The following TLE6 variants were observed in gnomAD, a reference collection of about 807,000 sequenced individuals.
The protein encoded by TLE6 is transducin-like enhancer protein 6.
Under a neutral mutation model 77.1 loss-of-function variants are expected in TLE6, and 72 were observed. The observed-to-expected ratio is 0.93, with a 90% CI of 0.77 to 1.14. The LOEUF (loss-of-function observed/expected upper bound fraction) is 1.14. Among genes scored for constraint, TLE6 ranks in the 50% most tolerant of loss-of-function variants. The probability of loss-of-function intolerance (pLI) is 0.00; values close to 1 mark genes in which losing one functional copy is unlikely to be tolerated. For synonymous variants in TLE6, 366 were observed against 287.3 expected (o/e 1.27, Z -2.77); for missense variants, 843 against 747.6 (o/e 1.13, Z -1.49).
intron 11 of TLE6, 159 bp from the exon 12 acceptor site, chr19:2,988,902 T>C: frequency 3.9e-6 from 4 of 1,029,878 alleles, no homozygotes; most frequent in Non-Finnish European, 5.6e-6. Flanking sequence ...CTTGAAGGAA[T>C]ATGAGCAGGA....
At chr19:2,984,222 A>T (rs994414452) in intron 5 of TLE6, 1 of 152,220 alleles carries the variant, frequency 6.6e-6, no homozygotes, top group Non-Finnish European at 1.5e-5. Flanking sequence ...AAGTGCCGGT[A>T]AATTGCGCAT....
rs559389681 is a variant in TLE6 at position 2,978,318 on chromosome 19, G to A, written c.51+34G>A. Reference sequence around the variant, plus strand: ...GGCATGTGGTGGGATCAGCCCTCAAGGGAAACCCGGGCCCAATGTGGTTCT... The same window carrying A: ...GGCATGTGGTGGGATCAGCCCTCAAAGGAAACCCGGGCCCAATGTGGTTCT... On this transcript the variant is annotated intron_variant, in intron 2 of 16. Transcript: ENST00000246112. 3.5e-4 allele frequency: 549 copies of A among 1,549,856 alleles called. 3 individuals carry two copies. The African/African-American group carries it at 6.2e-3, about 18-fold the overall frequency.
At chr19:2,986,685 G>C (rs908361166) in intron 5 of TLE6, 144 bp from the exon 6 acceptor site, 15 of 833,566 alleles carry the variant, frequency 1.8e-5, no homozygotes, top group Non-Finnish European at 2.8e-5. Context: ...CTGCACTCCA[G>C]CTTGGGTGAC....
rs1204593579 is a variant in TLE6 at position 2,978,199 on chromosome 19, C to T, written c.-35C>T. The stretch of plus-strand genomic sequence containing the variant: ...CCTGCCGTCTCCTTGTTGTTTTAGA[C>T]TCTGGCTAAAGTCTTGGAGGCTACT... On this transcript the variant is annotated splice_region_variant and 5_prime_UTR_variant, in exon 2 of 17. Transcript: ENST00000246112. The T allele has an allele frequency of 6.5e-7, 1 of 1,550,074 alleles. No homozygotes were observed. Among genetic ancestry groups the T allele is most frequent in the Non-Finnish European group, 8.7e-7 (1 of 1,145,834 alleles).
intron 11 of TLE6, 83 bp from the exon 12 acceptor site, chr19:2,988,978 C>T: frequency 6.5e-7 from 1 of 1,548,348 alleles, no homozygotes; most frequent in Non-Finnish European, 8.7e-7. Context: ...GAAAAAGAAG[C>T]CCCTCTAGGC....
At position 2,988,135 on chromosome 19, in the gene TLE6, G is replaced by A. The variant is rs200697268; in HGVS notation, c.740+7G>A. On this transcript the variant is annotated splice_region_variant and intron_variant, in intron 11 of 16. Coordinates refer to ENST00000246112, the MANE Select transcript of TLE6 (RefSeq NM_001143986.2). ...CTCGGTTTCTACAGTCCATGTAAGTGTCTGCACTGTTTGCTTTTGGGCGGG... is the reference window on the plus strand; with the variant it reads ...CTCGGTTTCTACAGTCCATGTAAGTATCTGCACTGTTTGCTTTTGGGCGGG... The A allele has an allele frequency of 1.4e-4, 219 of 1,551,644 alleles. 1 individual carries two copies. The East Asian group carries it at 5.1e-3, about 36-fold the overall frequency.
intron 5 of TLE6, chr19:2,984,377 C>T (rs1461507596): frequency 5.9e-5 from 9 of 152,046 alleles, no homozygotes; most frequent in Admixed American, 2.0e-4. Context: ...GAGGGTCTCC[C>T]CTCCCGGCCC....
rs548264927 is a variant in TLE6 at position 2,987,051 on chromosome 19, G to A, written c.354G>A (p.Ser118=). 18 of 1,614,078 alleles carry A rather than the reference G, an allele frequency of 1.1e-5. No individual in the cohort carries two copies. The Middle Eastern group carries it at 4.9e-4, about 44-fold the overall frequency. Residue 118 remains serine, a synonymous_variant, in exon 7 of 17, where the codon TCG becomes TCA. Coordinates refer to ENST00000246112, the MANE Select transcript of TLE6 (RefSeq NM_001143986.2). ...TGAAGGACAAGACCCTGCAGGAGTC[G>A]AGCTTTGAGGACATCATGGCCACCA... is the stretch of plus-strand genomic sequence containing the variant. The part of the protein sequence containing the change: ...QQVKDKTLQE[S]SFEDIMATRS...
intron 15 of TLE6, 98 bp from the exon 16 acceptor site, chr19:2,993,918 CTCA>C: frequency 1.3e-6 from 1 of 756,862 alleles, no homozygotes; most frequent in Admixed American, 3.0e-5. Flanking sequence ...GAGACCCTGT[CTCA>C]AAAAAAAAAA....
chr19:2,986,821 C>T lies in TLE6; in HGVS notation c.223-8C>T. ...CATTTAACTGTTTTGCTGCCAACCTCCTTCTAGATAGGAAACGTCTTACAG... is the reference window on the plus strand; with the variant it reads ...CATTTAACTGTTTTGCTGCCAACCTTCTTCTAGATAGGAAACGTCTTACAG... On this transcript the variant is annotated splice_region_variant and splice_polypyrimidine_tract_variant and intron_variant, in intron 5 of 16. Coordinates refer to ENST00000246112, the MANE Select transcript of TLE6 (RefSeq NM_001143986.2). The T allele has an allele frequency of 5.2e-6, 8 of 1,551,656 alleles. No individual in the cohort carries two copies. The highest frequency in any genetic ancestry group is 6.1e-6 in the Non-Finnish European group (7 of 1,146,974).
Position 2,995,119 on chromosome 19 carries a change from C to G in TLE6, c.*115C>G, listed in dbSNP as rs971757530. ...GGGAAGGCTCTTCTGTGGCATCGCA[C>G]GATCTAGTCTGTGGTGTAGACTGGT... On this transcript the variant is annotated 3_prime_UTR_variant, in exon 17 of 17. Coordinates refer to ENST00000246112, the MANE Select transcript of TLE6 (RefSeq NM_001143986.2). 3 of 669,836 alleles carry G rather than the reference C, an allele frequency of 4.5e-6. No individual in the cohort carries two copies. Among genetic ancestry groups the G allele is most frequent in the African/African-American group, 3.6e-5 (2 of 56,162 alleles). 41.5% of individuals were successfully genotyped at this position (669,836 alleles called of 1,614,324 possible). A position where few individuals can be genotyped will look rare whatever the true frequency, so the allele number is the denominator to read the frequency against.
intron 11 of TLE6, 111 bp downstream of exon 11, chr19:2,988,239 T>C (rs1599162853): frequency 1.7e-6 from 2 of 1,153,180 alleles, no homozygotes; most frequent in African/African-American, 1.5e-5. Flanking sequence ...TAAGACTTTC[T>C]TCCCCTTTTC....
intron 5 of TLE6, chr19:2,984,262 C>A (rs868280299): frequency 6.6e-6 from 1 of 152,154 alleles, no homozygotes; most frequent in Non-Finnish European, 1.5e-5. Context: ...GGAGAGGGCT[C>A]CCCTGGGATT....
At chr19:2,991,721 CA>C in intron 13 of TLE6, 121 bp from the exon 14 acceptor site, 1 of 907,654 alleles carries the variant, frequency 1.1e-6, no homozygotes, top group Non-Finnish European at 1.7e-6. Flanking sequence ...ACACTCTGTG[CA>C]GGCAGAGATT....
At chr19:2,993,922 A>G in intron 15 of TLE6, 97 bp from the exon 16 acceptor site, 2 of 53,578 alleles carry the variant, frequency 3.7e-5, no homozygotes, top group South Asian at 3.7e-4. Context: ...CCCTGTCTCA[A>G]AAAAAAAAAA....
In TLE6 at chr19:2,978,271, C is replaced by T. The variant is rs573404555; in HGVS notation, c.38C>T (p.Pro13Leu). 32 of 1,551,486 alleles carry T rather than the reference C, an allele frequency of 2.1e-5. No individual in the cohort carries two copies. The African/African-American group carries it at 2.6e-4, about 13-fold the overall frequency. Residue 13 changes from proline to leucine, a missense_variant, in exon 2 of 17, where the codon CCG (proline) becomes CTG (leucine). By Grantham distance (98) the Pro-to-Leu change is moderately conservative (BLOSUM62 -3). Coordinates refer to ENST00000246112, the MANE Select transcript of TLE6 (RefSeq NM_001143986.2). Reference protein sequence around the residue: ...SRDQPRPKGPPKSTSPCPGIS... With the variant: ...SRDQPRPKGPLKSTSPCPGIS... ...GACCAGCCCAGACCCAAGGGCCCCC[C>T]GAAAAGCACTTCGGTGAGGAGGGCA...
chr19:2,989,035 G>C, intron 11 of TLE6, 26 bp from the exon 12 acceptor site: 1 of 1,607,706 alleles, frequency 6.2e-7, no homozygotes, highest in South Asian at 1.1e-5. Context: ...AAGCAGGTCA[G>C]TTACCCCAAG....
intron 5 of TLE6, 114 bp downstream of exon 5, chr19:2,982,303 C>T (rs1599152249): frequency 1.4e-5 from 16 of 1,166,148 alleles, no homozygotes; most frequent in Middle Eastern, 1.9e-4. Context: ...TTTGGGAGGC[C>T]GAGGAGGGTG....
rs34622024 is a variant in TLE6 at position 2,981,347 on chromosome 19, C to CAAA, written c.135-177_135-175dup. Among the ~76,000 whole-genome samples the CAAA allele has an allele frequency of 3.6e-4, 41 of 115,250 alleles. 1 individual carries two copies. Among genetic ancestry groups the CAAA allele is most frequent in the Middle Eastern group, 4.8e-3 (1 of 210 alleles). 75.6% of individuals were successfully genotyped at this position (115,250 alleles called of 152,430 possible). On this transcript the variant is annotated intron_variant, in intron 3 of 16. Coordinates refer to ENST00000246112, the MANE Select transcript of TLE6 (RefSeq NM_001143986.2). ...GGGTGACAAGAGTGAGACTCTGTCT[C>CAAA]AAAAAAAAAAAAAAAAGAATATACT...
Sources: gnomAD v4.1 joint callset for allele counts (sites outside exome capture counted in the v4.1 genomes callset) on GRCh38, gnomAD v4.1.1 for gene constraint, MANE v1.5 for transcripts, NCBI Gene and HGNC (gene_info 2026-07-23, HGNC 2026-07-21) for gene names.